PRRC2C: variants seen among roughly 807,000 people sequenced by gnomAD.
The protein encoded by PRRC2C is protein PRRC2C.
A neutral mutation model predicts 317.2 loss-of-function variants in PRRC2C; 72 were observed. That is an observed-to-expected ratio of 0.23 (90% CI 0.19 to 0.28). The LOEUF is 0.28. Among genes scored for constraint, PRRC2C ranks in the 10% least tolerant of loss-of-function variants. The pLI is 1.00. For missense variants in PRRC2C, 3,074 were observed against 3,459.7 expected (o/e 0.89, Z 2.80); for synonymous variants, 1,296 against 1,205.9 (o/e 1.07, Z -1.55).
intron 30 of PRRC2C, among the ~76,000 whole-genome samples, 185 bp downstream of exon 30, chr1:171,584,711 C>T (rs948185514): frequency 6.6e-6 from 1 of 152,116 alleles, no homozygotes; most frequent in Non-Finnish European, 1.5e-5. Context: ...CATGACACCC[C>T]CCTTCTCACC....
intron 22 of PRRC2C, 112 bp downstream of exon 22, chr1:171,566,955 T>G: frequency 8.5e-7 from 1 of 1,183,066 alleles, no homozygotes; most frequent in Non-Finnish European, 1.1e-6. Flanking sequence ...TATAACTCTA[T>G]AGATTATTTC....
chr1:171,491,818 T>A (rs1324174254), intron 1 of PRRC2C, among the ~76,000 whole-genome samples: 1 of 152,182 alleles, frequency 6.6e-6, no homozygotes, highest in Non-Finnish European at 1.5e-5. Flanking sequence ...TTAACACAAT[T>A]TAATCTTACC....
chr1:171,558,274 A>AAT, intron 19 of PRRC2C, 131 bp downstream of exon 19: 1 of 1,252,436 alleles, frequency 8.0e-7, no homozygotes, highest in Non-Finnish European at 1.1e-6. Flanking sequence ...AAGTAATAGT[A>AAT]ATCCTCTCAA....
chr1:171,545,774 C>A (rs879886950), intron 17 of PRRC2C, 87 bp downstream of exon 17: 3 of 929,616 alleles, frequency 3.2e-6, no homozygotes, highest in Non-Finnish European at 4.2e-6. Flanking sequence ...GTAGATGCCA[C>A]AATTAAAGAA....
Position 171,515,859 on chromosome 1 carries a change from A to G in PRRC2C, c.526A>G (p.Asn176Asp), listed in dbSNP as rs370870809. 4.9e-4 allele frequency: 778 copies of G among 1,588,862 alleles called. 2 individuals are homozygous for G. Among genetic ancestry groups the G allele is most frequent in the Non-Finnish European group, 6.5e-4 (761 of 1,170,972 alleles). The part of the protein sequence containing the change: ...YGPGPSLRPP[N>D]VACWRDGGKA... ...ACCTGGACCCAGTTTACGTCCACCA[A>G]GTAAGAGTACTTTCTCTTTAATACA... is the stretch of plus-strand genomic sequence containing the variant. Residue 176 changes from asparagine (N) to aspartate (D), a missense_variant and splice_region_variant, in exon 5 of 35, where the codon AAT becomes GAT. By Grantham distance (23) the Asn-to-Asp change is conservative. Around this residue, in one of 11 missense-constraint regions of PRRC2C, gnomAD observed 237 missense variants for 199.5 expected, o/e 1.19. Transcript: ENST00000647382.
In PRRC2C at chr1:171,577,771, A is replaced by ATAATTTT. The variant is rs72021003; in HGVS notation, c.7159+135_7159+136insAATTTTT. ...CATTGCTGTAAATATTTAAATTCGC[A>ATAATTTT]TTTTTTTTTTTTTTTTTTTTTTTTG... On this transcript the variant is annotated intron_variant, in intron 26 of 34. Coordinates refer to ENST00000647382, the MANE Select transcript of PRRC2C (RefSeq NM_001387844.1). 510 of 299,050 alleles carry ATAATTTT rather than the reference A, an allele frequency of 1.7e-3. 2 individuals carry two copies. The highest frequency in any genetic ancestry group is 4.2e-3 in the South Asian group (116 of 27,770). 18.5% of individuals were successfully genotyped at this position (299,050 alleles called of 1,614,324 possible).
chr1:171,535,822 T>C (rs191376695), intron 13 of PRRC2C, among the ~76,000 whole-genome samples: 1 of 152,346 alleles, frequency 6.6e-6, no homozygotes, highest in East Asian at 1.9e-4. Context: ...TTCTAGGAGA[T>C]AGATCATACA....
At chr1:171,557,154 T>A in intron 18 of PRRC2C, 86 bp from the exon 19 acceptor site, 3 of 1,455,530 alleles carry the variant, frequency 2.1e-6, no homozygotes, top group Non-Finnish European at 2.7e-6. Flanking sequence ...AGGAGCCAAG[T>A]TAGTGGGAGT....
At chr1:171,591,285 T>C in intron 34 of PRRC2C, 1 of 958,840 alleles carries the variant, frequency 1.0e-6, no homozygotes, top group East Asian at 5.8e-5. Flanking sequence ...GTGTTACATG[T>C]ATGTTTTTAG....
chr1:171,581,815 G>T (rs971286741), intron 28 of PRRC2C, among the ~76,000 whole-genome samples: 1 of 152,110 alleles, frequency 6.6e-6, no homozygotes, highest in Non-Finnish European at 1.5e-5. Context: ...CTGCCACATA[G>T]GTCAGTTTTA....
chr1:171,535,811 T>A (rs1037085221), intron 13 of PRRC2C, among the ~76,000 whole-genome samples: 2 of 152,220 alleles, frequency 1.3e-5, no homozygotes, highest in Non-Finnish European at 2.9e-5. Context: ...CCATCTTCCA[T>A]TTCTAGGAGA....
chr1:171,583,951 T>C lies in PRRC2C; in HGVS notation c.7410-5T>C, dbSNP rs1273486337. 1 of 1,607,610 alleles carries C rather than the reference T, an allele frequency of 6.2e-7. No individual in the cohort carries two copies. Among genetic ancestry groups the C allele is most frequent in the East Asian group, 2.2e-5 (1 of 44,856 alleles). On this transcript the variant is annotated splice_region_variant and splice_polypyrimidine_tract_variant and intron_variant, in intron 28 of 34. Coordinates refer to ENST00000647382, the MANE Select transcript of PRRC2C (RefSeq NM_001387844.1). ...AACAATATTTTCTCTTTAATCCTTA[T>C]GTAGATCTCAGCCAGCTTTTATGCA... is the stretch of plus-strand genomic sequence containing the variant.
At chr1:171,581,486 A>G (rs1443764590) in intron 28 of PRRC2C, among the ~76,000 whole-genome samples, 3 of 152,192 alleles carry the variant, frequency 2.0e-5, no homozygotes, top group Non-Finnish European at 2.9e-5. Flanking sequence ...TGGAAGATAT[A>G]CTTTTTAAGA....
chr1:171,563,920 C>T (rs1400915964), intron 20 of PRRC2C, among the ~76,000 whole-genome samples: 2 of 152,172 alleles, frequency 1.3e-5, no homozygotes. Flanking sequence ...AGGCATTCTA[C>T]AAGTTTACAG....
intron 17 of PRRC2C, among the ~76,000 whole-genome samples, chr1:171,549,034 G>A (rs891318868): frequency 6.6e-6 from 1 of 151,928 alleles, no homozygotes; most frequent in Non-Finnish European, 1.5e-5. Context: ...GTAGAGACAG[G>A]GTTTCACTGT....
At chr1:171,561,699 TAAAAG>T (rs1305576648) in intron 20 of PRRC2C, among the ~76,000 whole-genome samples, 5 of 152,160 alleles carry the variant, frequency 3.3e-5, no homozygotes, top group Admixed American at 3.3e-4. Context: ...AAACAGAAAA[TAAAAG>T]TGCAATTATT....
At chr1:171,489,833 T>C (rs1001973303) in intron 1 of PRRC2C, among the ~76,000 whole-genome samples, 2 of 152,234 alleles carry the variant, frequency 1.3e-5, no homozygotes, top group African/African-American at 4.8e-5. Context: ...CATTCACAAT[T>C]TCTGCTTCGT....
At chr1:171,549,268 C>T (rs1679732556) in intron 17 of PRRC2C, among the ~76,000 whole-genome samples, 1 of 152,100 alleles carries the variant, frequency 6.6e-6, no homozygotes, top group South Asian at 2.1e-4. Context: ...AACTGTTGGC[C>T]TGAAATGGTC....
Position 171,550,094 on chromosome 1 carries a change from A to G in PRRC2C, c.4981A>G (p.Ile1661Val). The change falls in exon 18 of 35, where the codon ATA becomes GTA. Residue 1661 changes from isoleucine (I) to valine (V), a missense_variant. Ile to Val is a conservative substitution (Grantham distance 29, BLOSUM62 3). Around this residue, in one of 11 missense-constraint regions of PRRC2C, gnomAD observed 3 missense variants for 18.5 expected, o/e 0.16. Transcript: ENST00000647382. Reference protein sequence around the residue: ...FDLNNYASVVIIDDHPEVTVI... With the variant: ...FDLNNYASVVVIDDHPEVTVI... ...CTTTCCCACACCCACAGGTGTTGTT[A>G]TAATTGATGATCATCCTGAAGTAAC... 1 of 1,598,562 alleles carries G rather than the reference A, an allele frequency of 6.3e-7. No homozygotes were observed. The highest frequency in any genetic ancestry group is 8.5e-7 in the Non-Finnish European group (1 of 1,173,466).
Sources: gnomAD v4.1 joint callset for allele counts (sites outside exome capture counted in the v4.1 genomes callset) on GRCh38, gnomAD v4.1.1 for gene constraint, gnomAD v4.1.1 regional missense constraint, MANE v1.5 for transcripts, NCBI Gene and HGNC (gene_info 2026-07-23, HGNC 2026-07-21) for gene names.